Variants in PSTK observed in about 807,000 individuals in gnomAD.
The protein encoded by PSTK is L-seryl-tRNA(Sec) kinase.
PSTK carries 26 observed loss-of-function variants against 38.6 expected under a neutral mutation model. The observed-to-expected ratio is 0.67, with a 90% confidence interval of 0.49 to 0.94. The LOEUF (loss-of-function observed/expected upper bound fraction) is 0.94. PSTK is among the 40% of genes least tolerant of loss of function. The pLI is 0.00. For missense variants in PSTK, 445 were observed against 436.3 expected, an observed-to-expected ratio of 1.02 and a Z score of -0.18; for synonymous variants, 181 against 161.7, an observed-to-expected ratio of 1.12 and a Z score of -0.91.
At chr10:122,986,043 A>T (rs1013466102) in intron 3 of PSTK, 123 of 212,680 alleles carry the variant, frequency 5.8e-4, no homozygotes, top group African/African-American at 2.5e-3. Context: ...ACACGGTGAA[A>T]CCCCATCTCT....
rs79913180 is a variant in PSTK at position 122,980,563 on chromosome 10, G to A, written c.84G>A (p.Ala28=). ...RGLCVLCGLP[A]AGKSTFARAL... is the part of the protein sequence containing the mutation. ...TCTGCGTCCTCTGTGGCCTCCCCGC[G>A]GCAGGAAAATCGACTTTCGCGCGCG... The change falls in exon 1 of 6, where the codon GCG becomes GCA. Residue 28 remains alanine (A), a synonymous_variant. Coordinates refer to ENST00000406217, the MANE Select transcript of PSTK (RefSeq NM_001363531.2). The surrounding 1 kb of genome is among the most constrained non-coding windows in gnomAD (Gnocchi z 4.3). The A allele has an allele frequency of 0.02, 31,467 of 1,611,946 alleles. 681 individuals carry two copies. The highest frequency in any genetic ancestry group is 0.13 in the East Asian group (5,893 of 44,814).
At chr10:122,986,521 A>G (rs1849035906) in intron 4 of PSTK, 146 bp downstream of exon 4, 2 of 668,496 alleles carry the variant, frequency 3.0e-6, no homozygotes, top group South Asian at 3.5e-5. Flanking sequence ...CTGACAGCTC[A>G]TGCCGGCTGG....
At chr10:122,983,140 T>A in intron 2 of PSTK, 116 bp downstream of exon 2, 1 of 1,238,318 alleles carries the variant, frequency 8.1e-7, no homozygotes. Flanking sequence ...TACTTAATTT[T>A]AAAAGCTAGA....
chr10:122,989,342 C>T (rs1326382689), intron 5 of PSTK, among the ~76,000 whole-genome samples: 1 of 152,088 alleles, frequency 6.6e-6, no homozygotes, highest in Non-Finnish European at 1.5e-5. Context: ...ACCTCCACCT[C>T]CCGGGTTCAA....
intron 4 of PSTK, among the ~76,000 whole-genome samples, 185 bp from the exon 5 acceptor site, chr10:122,986,684 C>T (rs888396945): frequency 2.6e-5 from 4 of 152,196 alleles, no homozygotes; most frequent in East Asian, 1.9e-4. Flanking sequence ...AGCATATCAC[C>T]GCCTAGCTGG....
chr10:122,985,632 G>A (rs1401131112), intron 3 of PSTK: 1 of 152,230 alleles, frequency 6.6e-6, no homozygotes, highest in East Asian at 1.9e-4. Flanking sequence ...AGAAAGTAAA[G>A]ACCAGGCATC....
rs556208876 is a variant in PSTK at position 122,982,807 on chromosome 10, G to A, written c.291G>A (p.Gly97=). ...ACTTCTTGATGGCTGTCATTAATGG[G>A]TGTCAGATGTCTGTCCCACCCAACA... The part of the protein sequence containing the change: ...LEYFLMAVIN[G]CQMSVPPNRT... The change falls in exon 2 of 6, where the codon GGG becomes GGA. Residue 97 remains glycine, a synonymous_variant. Transcript: ENST00000406217. The A allele has an allele frequency of 6.2e-7, 1 of 1,614,168 alleles. No individual in the cohort carries two copies. The highest frequency in any genetic ancestry group is 8.5e-7 in the Non-Finnish European group (1 of 1,180,000).
In PSTK at chr10:122,980,875, G is replaced by A; in HGVS notation, c.216+180G>A. On this transcript the variant is annotated intron_variant, in intron 1 of 5. Transcript: ENST00000406217. This position sits in a 1 kb window ranked among gnomAD's most constrained non-coding sequence, Gnocchi z 4.3. ...AACATAGTTACTGCAGAGGGTGAAT[G>A]CGTTGGCTGTAGAAAGTGGTTACAA... The A allele has an allele frequency of 1.1e-6, 1 of 948,816 alleles. No homozygotes were observed. Among genetic ancestry groups the A allele is most frequent in the Non-Finnish European group, 1.3e-6 (1 of 796,410 alleles). 58.8% of individuals were successfully genotyped at this position (948,816 alleles called of 1,614,324 possible). A position where few individuals can be genotyped will look rare whatever the true frequency, so the allele number is the denominator to read the frequency against.
chr10:122,987,443 C>T (rs754766397), intron 5 of PSTK: 22 of 1,613,930 alleles, frequency 1.4e-5, no homozygotes, highest in Middle Eastern at 1.6e-4. Flanking sequence ...AGTGCAGAAG[C>T]GCAAAGGTTG....
intron 5 of PSTK, among the ~76,000 whole-genome samples, chr10:122,989,463 T>C (rs1564732279): frequency 6.6e-6 from 1 of 152,088 alleles, no homozygotes. Flanking sequence ...TGTTGGCCAG[T>C]CTGGTCTCGA....
rs1342027457 is a variant in PSTK at position 122,990,333 on chromosome 10, AAGAT to A, written c.1039_1042del (p.Asp347IlefsTer?). The A allele has an allele frequency of 4.6e-6, 7 of 1,508,766 alleles. No individual in the cohort carries two copies. The highest frequency in any genetic ancestry group is 6.2e-6 in the Non-Finnish European group (7 of 1,129,742). The allele number at this position is 1,508,766 out of a possible 1,614,324, so 93.5% of individuals were successfully genotyped here. On this transcript the variant is annotated frameshift_variant, in exon 6 of 6. Coordinates refer to ENST00000406217, the MANE Select transcript of PSTK (RefSeq NM_001363531.2). LOFTEE classifies it high-confidence loss of function. ...GTCATTTCTTTTTTTCATTATGAGA[AAGAT>A]AATATTGTACAGAAGTATTTTTCAA... is the stretch of plus-strand genomic sequence containing the variant.
intron 5 of PSTK, among the ~76,000 whole-genome samples, chr10:122,989,149 T>C (rs986368236): frequency 8.9e-5 from 10 of 112,896 alleles, no homozygotes; most frequent in Admixed American, 2.7e-4. Flanking sequence ...AATCTTGAGA[T>C]AGACAGTGGA....
chr10:122,989,387 G>T (rs1028165338), intron 5 of PSTK, among the ~76,000 whole-genome samples: 4 of 152,074 alleles, frequency 2.6e-5, no homozygotes, highest in Non-Finnish European at 5.9e-5. Flanking sequence ...GAGTAGCTGG[G>T]ATTACAGGGA....
chr10:122,987,065 C>A (rs1849044601), intron 5 of PSTK, 103 bp downstream of exon 5: 9 of 914,636 alleles, frequency 9.8e-6, no homozygotes, highest in Non-Finnish European at 1.6e-5. Context: ...CATAAAAGTT[C>A]ACATCATGTT....
chr10:122,980,456 ACTC>A lies in PSTK; in HGVS notation c.-19_-17del. ...GGTAGAGCGGAGACGACGCTCCCAG[ACTC>A]CTCCGGTCTCCCCGGGCAGCATGAA... On this transcript the variant is annotated 5_prime_UTR_variant, in exon 1 of 6. Coordinates refer to ENST00000406217, the MANE Select transcript of PSTK (RefSeq NM_001363531.2). This position sits in a 1 kb window ranked among gnomAD's most constrained non-coding sequence, Gnocchi z 4.3. 6.4e-7 allele frequency: 1 copy of A among 1,566,908 alleles called. No individual in the cohort carries two copies. Among genetic ancestry groups the A allele is most frequent in the Non-Finnish European group, 8.6e-7 (1 of 1,160,652 alleles).
intron 5 of PSTK, among the ~76,000 whole-genome samples, chr10:122,987,840 A>C (rs928694862): frequency 1.3e-5 from 2 of 152,232 alleles, no homozygotes; most frequent in African/African-American, 4.8e-5. Context: ...AAGACTGAAC[A>C]GCTACTAAAT....
chr10:122,980,551 T>C lies in PSTK; in HGVS notation c.72T>C (p.Cys24=). The C allele has an allele frequency of 6.2e-7, 1 of 1,611,594 alleles. No individual in the cohort carries two copies. The highest frequency in any genetic ancestry group is 8.5e-7 in the Non-Finnish European group (1 of 1,179,598). ...GPRKRGLCVL[C]GLPAAGKSTF... is the part of the protein sequence containing the mutation. The stretch of plus-strand genomic sequence containing the variant: ...GGAAACGAGGCCTCTGCGTCCTCTG[T>C]GGCCTCCCCGCGGCAGGAAAATCGA... Residue 24 remains cysteine, a synonymous_variant, in exon 1 of 6, where the codon TGT becomes TGC. Coordinates refer to ENST00000406217, the MANE Select transcript of PSTK (RefSeq NM_001363531.2). The surrounding 1 kb of genome is among the most constrained non-coding windows in gnomAD (Gnocchi z 4.3).
At position 122,980,787 on chromosome 10, in the gene PSTK, A is replaced by C; in HGVS notation, c.216+92A>C. ...ACTCGCGTCCACGCGGTCCTGGGTG[A>C]TTTGCCATGAGCGCCCATTGCTTGG... On this transcript the variant is annotated intron_variant, in intron 1 of 5. Coordinates refer to ENST00000406217, the MANE Select transcript of PSTK (RefSeq NM_001363531.2). This position sits in a 1 kb window ranked among gnomAD's most constrained non-coding sequence, Gnocchi z 4.3. The C allele has an allele frequency of 7.8e-7, 1 of 1,284,210 alleles. No homozygotes were observed. The highest frequency in any genetic ancestry group is 2.9e-4 in the Middle Eastern group (1 of 3,394). 79.6% of individuals were successfully genotyped at this position (1,284,210 alleles called of 1,614,324 possible). A position where few individuals can be genotyped will look rare whatever the true frequency, so the allele number is the denominator to read the frequency against.
In PSTK at chr10:122,980,578, T is replaced by A. The variant is rs1002904306; in HGVS notation, c.99T>A (p.Thr33=). 1 of 1,612,066 alleles carries A rather than the reference T, an allele frequency of 6.2e-7. No individual in the cohort carries two copies. Among genetic ancestry groups the A allele is most frequent in the South Asian group, 1.1e-5 (1 of 90,914 alleles). The stretch of plus-strand genomic sequence containing the variant: ...GCCTCCCCGCGGCAGGAAAATCGAC[T>A]TTCGCGCGCGCCCTCGCCCACCGGC... ...LCGLPAAGKS[T]FARALAHRLQ... The change falls in exon 1 of 6, where the codon ACT becomes ACA. Residue 33 remains threonine, a synonymous_variant. Coordinates refer to ENST00000406217, the MANE Select transcript of PSTK (RefSeq NM_001363531.2). This position sits in a 1 kb window ranked among gnomAD's most constrained non-coding sequence, Gnocchi z 4.3.
Sources: gnomAD v4.1 joint callset for allele counts (sites outside exome capture counted in the v4.1 genomes callset) on GRCh38, gnomAD v4.1.1 for gene constraint, Gnocchi (gnomAD v3.1) non-coding constraint, MANE v1.5 for transcripts, NCBI Gene and HGNC (gene_info 2026-07-23, HGNC 2026-07-21) for gene names.